Variants in ARPP21 observed in about 807,000 individuals in gnomAD.
ARPP21 encodes the protein cAMP regulated phosphoprotein 21.
Under a neutral mutation model 113.2 loss-of-function variants are expected in ARPP21, and 69 were observed. The observed-to-expected ratio is 0.61, with a 90% confidence interval of 0.50 to 0.74. The LOEUF is 0.74. ARPP21 is among the 30% of genes least tolerant of loss of function. The pLI is 0.00. For missense variants in ARPP21, 1,070 were observed against 1,037.4 expected (o/e 1.03, Z -0.43); for synonymous variants, 368 against 375.5 (o/e 0.98, Z 0.23).
At chr3:35,714,827 G>A (rs1304351183) in intron 11 of ARPP21, 2 of 150,252 alleles carry the variant, frequency 1.3e-5, no homozygotes, top group African/African-American at 4.9e-5. Context: ...TATATTAGAT[G>A]GAGCTTGATT....
chr3:35,718,444 C>T (rs549178730), intron 13 of ARPP21, among the ~76,000 whole-genome samples: 6 of 152,250 alleles, frequency 3.9e-5, no homozygotes, highest in Admixed American at 3.9e-4. Context: ...GTCCTGCGCT[C>T]ACACACTGTG....
intron 19 of ARPP21, among the ~76,000 whole-genome samples, chr3:35,764,962 A>G (rs1330895292): frequency 6.6e-6 from 1 of 152,118 alleles, no homozygotes; most frequent in African/African-American, 2.4e-5. Flanking sequence ...TCTATATTCC[A>G]TTGATTAAAT....
intron 2 of ARPP21, 130 bp from the exon 3 acceptor site, chr3:35,681,584 T>A: frequency 1.7e-6 from 1 of 578,510 alleles, no homozygotes; most frequent in Non-Finnish European, 3.1e-6. Context: ...CATCTTGTTT[T>A]TTCCCCCTTT....
intron 4 of ARPP21, 82 bp downstream of exon 4, chr3:35,682,971 G>A: frequency 4.5e-6 from 6 of 1,323,036 alleles, no homozygotes; most frequent in South Asian, 1.4e-5. Flanking sequence ...GGATTTGCCA[G>A]CATTTCAGAT....
chr3:35,770,816 G>A (rs1014809427), intron 19 of ARPP21, among the ~76,000 whole-genome samples: 3 of 152,178 alleles, frequency 2.0e-5, no homozygotes, highest in Non-Finnish European at 4.4e-5. Flanking sequence ...ATTCTACAAT[G>A]AAAGGCTATG....
chr3:35,779,718 A>G (rs1410079441), intron 19 of ARPP21, among the ~76,000 whole-genome samples: 1 of 152,184 alleles, frequency 6.6e-6, no homozygotes, highest in Non-Finnish European at 1.5e-5. Flanking sequence ...ATAAAGGAGC[A>G]AACTCACATT....
chr3:35,773,463 A>G (rs1000560375), intron 19 of ARPP21, among the ~76,000 whole-genome samples: 4 of 152,178 alleles, frequency 2.6e-5, no homozygotes, highest in Admixed American at 2.6e-4. Flanking sequence ...ATTTATGCCT[A>G]CAAAATCAAA....
At chr3:35,683,662 T>G in intron 4 of ARPP21, 64 bp from the exon 5 acceptor site, 2 of 759,722 alleles carry the variant, frequency 2.6e-6, no homozygotes, top group Non-Finnish European at 4.7e-6. Context: ...TTTGGCAGTC[T>G]GAGAATGCTT....
rs1421364990 is a variant in ARPP21, at chr3:35,682,624, T to C, written c.130-224T>C. ...CTTGTCCCCTTTCCAATAGTTGTTA[T>C]AAACAGAAAAGAGCTAAAAGTTAGT... On this transcript the variant is annotated intron_variant, in intron 3 of 20. Transcript: ENST00000684406. 63 of 449,588 alleles carry C rather than the reference T, an allele frequency of 1.4e-4. 1 individual carries two copies. The highest frequency in any genetic ancestry group is 3.9e-6 in the Non-Finnish European group (1 of 256,040). 27.8% of individuals were successfully genotyped at this position (449,588 alleles called of 1,614,324 possible).
chr3:35,775,961 T>G lies in ARPP21; in HGVS notation c.2138-16421T>G, dbSNP rs531283536. Among the ~76,000 whole-genome samples the G allele has an allele frequency of 5.3e-5, 8 of 152,246 alleles. No homozygotes were observed. In the East Asian group the frequency reaches 1.4e-3, roughly 26 times the overall value. ...GCATAAAGTGTAATATTTTCAAACATTGTTTGGATATTTTGTCTATTTTGG... is the reference window on the plus strand; with the variant it reads ...GCATAAAGTGTAATATTTTCAAACAGTGTTTGGATATTTTGTCTATTTTGG... On this transcript the variant is annotated intron_variant, in intron 19 of 20. Transcript: ENST00000684406.
In ARPP21 at chr3:35,793,926, A is replaced by G. The variant is rs766771502; in HGVS notation, c.2512A>G (p.Met838Val). Residue 838 changes from methionine (M) to valine (V), a missense_variant, in exon 21 of 21, where the codon ATG becomes GTG. By Grantham distance (21) the Met-to-Val change is conservative. Coordinates refer to ENST00000684406, the MANE Select transcript of ARPP21 (RefSeq NM_001385562.1). ...SASCRTNCAS[M>V]SNAGWQVKF ...TAGCTGCAGAACAAACTGTGCAAGT[A>G]TGAGCAATGCTGGTTGGCAGGTCAA... is the stretch of plus-strand genomic sequence containing the variant. 1.1e-5 allele frequency: 17 copies of G among 1,613,986 alleles called. No homozygotes were observed. The highest frequency in any genetic ancestry group is 1.4e-5 in the Non-Finnish European group (16 of 1,179,984).
intron 19 of ARPP21, among the ~76,000 whole-genome samples, chr3:35,776,546 G>A (rs2151629092): frequency 6.6e-6 from 1 of 152,264 alleles, no homozygotes; most frequent in South Asian, 2.1e-4. Context: ...AGTGCACTCA[G>A]CACCCTTTTG....
At position 35,687,784 on chromosome 3, in the gene ARPP21, G is replaced by A; in HGVS notation, c.307G>A (p.Glu103Lys). 5.0e-6 allele frequency: 8 copies of A among 1,605,682 alleles called. No individual in the cohort carries two copies. The highest frequency in any genetic ancestry group is 6.8e-6 in the Non-Finnish European group (8 of 1,176,240). ...QLSSFSSLQE[E>K]DKSRKDDSER... Reference sequence around the variant, plus strand: ...TTCCAGTTTTTCCAGCCTGCAAGAGGAGGATAAATCTAGGAAAGATGACTC... The same window carrying A: ...TTCCAGTTTTTCCAGCCTGCAAGAGAAGGATAAATCTAGGAAAGATGACTC... The change falls in exon 6 of 21, where the codon GAG (glutamate) becomes AAG (lysine). Residue 103 changes from glutamate to lysine, a missense_variant. By Grantham distance (56) the Glu-to-Lys change is moderately conservative. Coordinates refer to ENST00000684406, the MANE Select transcript of ARPP21 (RefSeq NM_001385562.1).
chr3:35,736,995 C>T (rs1021310999), intron 15 of ARPP21, among the ~76,000 whole-genome samples, 183 bp from the exon 16 acceptor site: 1 of 152,200 alleles, frequency 6.6e-6, no homozygotes, highest in Non-Finnish European at 1.5e-5. Context: ...CCCACTGTCA[C>T]CTAGCTTAAG....
chr3:35,660,127 A>T (rs925208410), intron 1 of ARPP21, among the ~76,000 whole-genome samples: 1 of 152,076 alleles, frequency 6.6e-6, no homozygotes, highest in Non-Finnish European at 1.5e-5. Context: ...CCCCTTTTTG[A>T]CATAGAGCAA....
At chr3:35,724,378 C>T (rs1031675837) in intron 14 of ARPP21, among the ~76,000 whole-genome samples, 21 of 152,108 alleles carry the variant, frequency 1.4e-4, no homozygotes, top group African/African-American at 5.1e-4. Flanking sequence ...TGTTTCTTAC[C>T]ACATTGGCCT....
intron 19 of ARPP21, among the ~76,000 whole-genome samples, chr3:35,786,562 A>G (rs554453223): frequency 8.2e-4 from 124 of 151,834 alleles, no homozygotes; most frequent in African/African-American, 2.9e-3. Flanking sequence ...AGGGTTTTAG[A>G]TTACATAAAT....
chr3:35,713,964 A>G (rs759539624), intron 11 of ARPP21, among the ~76,000 whole-genome samples: 8 of 152,304 alleles, frequency 5.3e-5, no homozygotes, highest in Middle Eastern at 3.4e-3. Context: ...TACATACCTT[A>G]CTTGACTCCA....
intron 18 of ARPP21, among the ~76,000 whole-genome samples, chr3:35,741,032 G>A (rs558931849): frequency 5.9e-5 from 9 of 152,122 alleles, no homozygotes; most frequent in Non-Finnish European, 1.2e-4. Flanking sequence ...AGCCTGGGAT[G>A]TCAAGGCTGC....
Sources: gnomAD v4.1 joint callset for allele counts (sites outside exome capture counted in the v4.1 genomes callset) on GRCh38, gnomAD v4.1.1 for gene constraint, MANE v1.5 for transcripts, NCBI Gene and HGNC (gene_info 2026-07-23, HGNC 2026-07-21) for gene names.